ADARB2: variants seen among roughly 807,000 people sequenced by gnomAD.
ADARB2 encodes the protein inactive double-stranded RNA-specific editase B2.
Under a neutral mutation model 62.2 loss-of-function variants are expected in ADARB2, and 25 were observed. The ratio of observed to expected loss-of-function variants is 0.40; its 90% CI spans 0.29 to 0.56. ADARB2 has a LOEUF of 0.56. Among genes scored for constraint, ADARB2 ranks in the 20% least tolerant of loss-of-function variants. The pLI, the probability that ADARB2 is intolerant of heterozygous loss-of-function variation, is 0.43. For missense variants in ADARB2, 1,071 were observed against 1,077.4 expected, an observed-to-expected ratio of 0.99 and a Z score of 0.08; for synonymous variants, 572 against 500.8, an observed-to-expected ratio of 1.14 and a Z score of -1.90.
intron 1 of ADARB2, among the ~76,000 whole-genome samples, chr10:1,572,515 G>T (rs531153631): frequency 1.3e-5 from 2 of 152,278 alleles, no homozygotes; most frequent in South Asian, 4.1e-4. Flanking sequence ...TTTGTAGCAT[G>T]TTGGTTTGTA....
intron 1 of ADARB2, among the ~76,000 whole-genome samples, chr10:1,424,818 G>T (rs1056643639): frequency 1.3e-5 from 2 of 152,132 alleles, no homozygotes; most frequent in Non-Finnish European, 2.9e-5. Flanking sequence ...TCATCCTGTC[G>T]CATTTTGGTT....
At chr10:1,492,539 C>T (rs920935449) in intron 1 of ADARB2, among the ~76,000 whole-genome samples, 1 of 152,130 alleles carries the variant, frequency 6.6e-6, no homozygotes, top group Non-Finnish European at 1.5e-5. Flanking sequence ...CTTCTGGCTT[C>T]CAGAACTATG....
chr10:1,188,689 G>A (rs1374399591), intron 8 of ADARB2, among the ~76,000 whole-genome samples: 10 of 150,002 alleles, frequency 6.7e-5, no homozygotes, highest in African/African-American at 2.2e-4. Context: ...ACAGGCAGTA[G>A]TTTCTGACAT....
intron 1 of ADARB2, among the ~76,000 whole-genome samples, chr10:1,585,859 C>T (rs1233252338): frequency 1.3e-5 from 2 of 152,018 alleles, no homozygotes; most frequent in Non-Finnish European, 2.9e-5. Context: ...ACGGTGAAAC[C>T]CCGTCTCTAC....
intron 1 of ADARB2, among the ~76,000 whole-genome samples, chr10:1,610,791 C>T (rs192000079): frequency 1.2e-4 from 18 of 151,164 alleles, no homozygotes; most frequent in African/African-American, 4.1e-4. Context: ...CACATGTGCA[C>T]AGGCACATGC....
intron 1 of ADARB2, among the ~76,000 whole-genome samples, chr10:1,726,048 T>A (rs1245355541): frequency 6.6e-6 from 1 of 152,262 alleles, no homozygotes; most frequent in Non-Finnish European, 1.5e-5. Context: ...ATTTTTAGTT[T>A]CCCTGATGTT....
At chr10:1,394,356 C>T (rs1190725393) in intron 1 of ADARB2, among the ~76,000 whole-genome samples, 1 of 152,214 alleles carries the variant, frequency 6.6e-6, no homozygotes, top group Non-Finnish European at 1.5e-5. Flanking sequence ...GCCCGCGGGT[C>T]ACCTCTGCCT....
At chr10:1,358,203 CT>C (rs1832215349) in intron 3 of ADARB2, among the ~76,000 whole-genome samples, 1 of 152,212 alleles carries the variant, frequency 6.6e-6, no homozygotes, top group Non-Finnish European at 1.5e-5. Flanking sequence ...AAGGATTCAG[CT>C]GCGTATTTCT....
chr10:1,270,441 G>T (rs1831250032), intron 4 of ADARB2, among the ~76,000 whole-genome samples: 1 of 152,152 alleles, frequency 6.6e-6, no homozygotes. Flanking sequence ...TTAATGGGTT[G>T]GTGGCTCGTT....
chr10:1,400,533 C>A (rs1832652739), intron 1 of ADARB2, among the ~76,000 whole-genome samples: 1 of 152,158 alleles, frequency 6.6e-6, no homozygotes, highest in Admixed American at 6.5e-5. Context: ...CCACTCCAGC[C>A]TGGTAAAATT....
At chr10:1,411,582 C>A (rs554490870) in intron 1 of ADARB2, among the ~76,000 whole-genome samples, 1 of 152,334 alleles carries the variant, frequency 6.6e-6, no homozygotes, top group African/African-American at 2.4e-5. Context: ...TTCACTAAAG[C>A]GACAGGCACC....
At chr10:1,432,490 C>T (rs1309128900) in intron 1 of ADARB2, among the ~76,000 whole-genome samples, 2 of 150,802 alleles carry the variant, frequency 1.3e-5, no homozygotes, top group East Asian at 3.9e-4. Flanking sequence ...GTGACTGTGA[C>T]CTTTACCTTT....
At chr10:1,220,261 ATGGTGGTGATGATGGTAATGGTGATGG>A (rs1564225294) in intron 6 of ADARB2, among the ~76,000 whole-genome samples, 2 of 131,220 alleles carry the variant, frequency 1.5e-5, no homozygotes, top group African/African-American at 5.9e-5. Context: ...GGTGGTGATG[ATGGTGGTGATGATGGTAATGGTGATGG>A]TGGTGGTGAT....
At chr10:1,332,346 G>C (rs1316737933) in intron 3 of ADARB2, among the ~76,000 whole-genome samples, 1 of 151,802 alleles carries the variant, frequency 6.6e-6, no homozygotes, top group African/African-American at 2.4e-5. Flanking sequence ...AGCCCGGGAG[G>C]TTGAGGCTGC....
chr10:1,235,003 C>T (rs1830851269), intron 5 of ADARB2, among the ~76,000 whole-genome samples: 1 of 151,998 alleles, frequency 6.6e-6, no homozygotes, highest in Non-Finnish European at 1.5e-5. Context: ...CGCCTTGGCC[C>T]CCCAAAGAGC....
At chr10:1,535,755 T>C (rs11250596) in intron 1 of ADARB2, 55,483 of 166,934 alleles carry the variant, frequency 0.33, 9,967 homozygotes, top group East Asian at 0.74. Context: ...TGCTTACCTG[T>C]GGCCTCCTAA....
At chr10:1,620,264 A>G (rs770377685) in intron 1 of ADARB2, among the ~76,000 whole-genome samples, 3 of 152,178 alleles carry the variant, frequency 2.0e-5, no homozygotes, top group Non-Finnish European at 2.9e-5. Flanking sequence ...AAAAGACAGA[A>G]GACACAAATT....
chr10:1,594,175 A>G (rs1446351508), intron 1 of ADARB2, among the ~76,000 whole-genome samples: 2 of 152,188 alleles, frequency 1.3e-5, no homozygotes, highest in Non-Finnish European at 2.9e-5. Flanking sequence ...CTGTAATCCC[A>G]GCTACTCGGG....
chr10:1,305,332 T>C lies in ADARB2; in HGVS notation c.1078-34263A>G, dbSNP rs563629574. ...ATGGATAAATTCCTCGACACATACA[T>C]CCTCCCAAGACTAAACCAGGAAGAA... On this transcript the variant is annotated intron_variant, in intron 3 of 9. Coordinates refer to ENST00000381312, the MANE Select transcript of ADARB2 (RefSeq NM_018702.4). Among the ~76,000 whole-genome samples, 23 of 151,538 alleles carry C rather than the reference T, an allele frequency of 1.5e-4. No individual in the cohort carries two copies. The East Asian group carries it at 1.6e-3, about 10-fold the overall frequency.
Sources: allele counts gnomAD v4.1 joint callset (sites outside exome capture counted in the v4.1 genomes callset), GRCh38; gene constraint gnomAD v4.1.1; transcripts MANE v1.5; gene names NCBI Gene and HGNC (gene_info 2026-07-23, HGNC 2026-07-21).